Variants in DAB1 observed in about 807,000 individuals in gnomAD.
DAB1 encodes the protein DAB adaptor protein 1, also known as disabled homolog 1.
DAB1 carries 15 observed loss-of-function variants against 64.6 expected under a neutral mutation model. The observed-to-expected ratio is 0.23, with a 90% CI of 0.16 to 0.36. The LOEUF is 0.36. Among genes scored for constraint, DAB1 ranks in the 10% least tolerant of loss-of-function variants. The probability of loss-of-function intolerance (pLI) is 1.00; values close to 1 mark genes in which losing one functional copy is unlikely to be tolerated. For missense variants in DAB1, 596 were observed against 706.7 expected, an observed-to-expected ratio of 0.84 and a Z score of 1.78; for synonymous variants, 235 against 251.9, an observed-to-expected ratio of 0.93 and a Z score of 0.64.
At chr1:57,181,457 C>T (rs1256405742) in intron 2 of DAB1, among the ~76,000 whole-genome samples, 1 of 152,164 alleles carries the variant, frequency 6.6e-6, no homozygotes, top group Non-Finnish European at 1.5e-5. Flanking sequence ...TCATCGAACA[C>T]TTATCTTGAA....
At chr1:57,944,487 T>G (rs1645155439) in intron 5 of DAB1, among the ~76,000 whole-genome samples, 1 of 152,188 alleles carries the variant, frequency 6.6e-6, no homozygotes, top group African/African-American at 2.4e-5. Context: ...AGGGCAGAGA[T>G]TTCTGTGCTC....
chr1:58,236,598 T>C (rs568195538), intron 4 of DAB1, among the ~76,000 whole-genome samples: 1 of 152,202 alleles, frequency 6.6e-6, no homozygotes, highest in African/African-American at 2.4e-5. Flanking sequence ...AGAGATTATA[T>C]GTGTGCATAA....
intron 3 of DAB1, among the ~76,000 whole-genome samples, chr1:58,446,766 G>A (rs822169): frequency 0.68 from 103,989 of 152,022 alleles, 36,099 homozygotes; most frequent in South Asian, 0.82. Context: ...TTCCATGTCA[G>A]TGGATAAGAG....
At chr1:58,135,065 A>T (rs1653865330) in intron 5 of DAB1, among the ~76,000 whole-genome samples, 1 of 152,158 alleles carries the variant, frequency 6.6e-6, no homozygotes, top group Admixed American at 6.5e-5. Context: ...CTTCAATCCT[A>T]TTAGCCTCTA....
intron 2 of DAB1, among the ~76,000 whole-genome samples, chr1:57,199,724 A>G (rs1313153372): frequency 1.3e-5 from 2 of 152,204 alleles, no homozygotes; most frequent in Non-Finnish European, 2.9e-5. Context: ...TCCGAGGCCC[A>G]ACTGCAACCC....
intron 5 of DAB1, among the ~76,000 whole-genome samples, chr1:58,041,435 C>T (rs7524727): frequency 0.46 from 69,554 of 151,946 alleles, 16,174 homozygotes; most frequent in African/African-American, 0.52. Flanking sequence ...GCTTATACAG[C>T]GTGTATTGTG....
At chr1:58,240,507 T>C (rs1246885985) in intron 4 of DAB1, among the ~76,000 whole-genome samples, 2 of 152,186 alleles carry the variant, frequency 1.3e-5, no homozygotes, top group Admixed American at 6.5e-5. Context: ...GACTGAGAAA[T>C]GTATTTGTAC....
intron 3 of DAB1, among the ~76,000 whole-genome samples, chr1:58,457,360 C>T (rs777133167): frequency 2.6e-5 from 4 of 152,110 alleles, no homozygotes; most frequent in Non-Finnish European, 1.5e-5. Flanking sequence ...CACGGTATTT[C>T]GGGGAGGTAG....
chr1:58,182,295 G>A (rs1457762527), intron 4 of DAB1, among the ~76,000 whole-genome samples: 3 of 151,884 alleles, frequency 2.0e-5, no homozygotes, highest in African/African-American at 7.3e-5. Flanking sequence ...CCTATTTGGA[G>A]TTCACTGAGG....
intron 7 of DAB1, among the ~76,000 whole-genome samples, chr1:57,542,237 A>G (rs1260464911): frequency 2.6e-5 from 4 of 152,030 alleles, no homozygotes; most frequent in Non-Finnish European, 4.4e-5. Context: ...CACTCAGTAC[A>G]CAGCCAGAAC....
At chr1:58,071,206 T>TTGTATTCTTG (rs1390677850) in intron 5 of DAB1, among the ~76,000 whole-genome samples, 1 of 152,152 alleles carries the variant, frequency 6.6e-6, no homozygotes, top group African/African-American at 2.4e-5. Flanking sequence ...CTTTCGTGTG[T>TTGTATTCTTG]TGTATTCTTG....
At chr1:58,046,783 G>A (rs1647275293) in intron 5 of DAB1, among the ~76,000 whole-genome samples, 1 of 152,202 alleles carries the variant, frequency 6.6e-6, no homozygotes, top group Non-Finnish European at 1.5e-5. Flanking sequence ...CTGTAGAACA[G>A]AGCTCCTGCC....
chr1:57,174,733 C>G (rs1048432775), intron 2 of DAB1, among the ~76,000 whole-genome samples: 11 of 152,150 alleles, frequency 7.2e-5, no homozygotes. Context: ...GATGCTGGCT[C>G]TACTCCGAAC....
chr1:57,709,717 GA>G (rs1647005802), intron 6 of DAB1, among the ~76,000 whole-genome samples: 1 of 152,146 alleles, frequency 6.6e-6, no homozygotes, highest in Middle Eastern at 3.2e-3. Flanking sequence ...GCACAAGATT[GA>G]TTGGACCAGG....
intron 1 of DAB1, among the ~76,000 whole-genome samples, chr1:57,371,509 A>G (rs1680492591): frequency 6.6e-6 from 1 of 152,200 alleles, no homozygotes; most frequent in South Asian, 2.1e-4. Context: ...ATTTATATAT[A>G]CATTTATGGA....
At chr1:57,111,690 C>T (rs1336104875) in intron 4 of DAB1, among the ~76,000 whole-genome samples, 1 of 152,184 alleles carries the variant, frequency 6.6e-6, no homozygotes, top group African/African-American at 2.4e-5. Flanking sequence ...CTACACAGTA[C>T]TTATCACTAT....
intron 5 of DAB1, among the ~76,000 whole-genome samples, chr1:58,076,140 T>C (rs1570319477): frequency 6.6e-6 from 1 of 152,182 alleles, no homozygotes; most frequent in African/African-American, 2.4e-5. Flanking sequence ...TATATAATAA[T>C]AGTAACTAGC....
chr1:58,082,161 G>A (rs1044265535), intron 5 of DAB1, among the ~76,000 whole-genome samples: 1 of 152,138 alleles, frequency 6.6e-6, no homozygotes, highest in Non-Finnish European at 1.5e-5. Context: ...CCAGCAACAC[G>A]AAACTATAGA....
At chr1:57,291,739 CA>C (rs1672792147) in intron 1 of DAB1, among the ~76,000 whole-genome samples, 1 of 152,182 alleles carries the variant, frequency 6.6e-6, no homozygotes. Context: ...TAAGAGCAGA[CA>C]AGCATTTAAT....
Sources: gnomAD v4.1 joint callset for allele counts (sites outside exome capture counted in the v4.1 genomes callset) on GRCh38, gnomAD v4.1.1 for gene constraint, MANE v1.5 for transcripts, NCBI Gene and HGNC (gene_info 2026-07-23, HGNC 2026-07-21) for gene names.